BIK: variants seen among roughly 807,000 people sequenced by gnomAD.
The protein encoded by BIK is bcl-2-interacting killer.
Under a neutral mutation model 12.1 loss-of-function variants are expected in BIK, and 14 were observed. That is an observed-to-expected ratio of 1.16 (90% CI 0.77 to 1.81). BIK has a LOEUF of 1.81. Among genes scored for constraint, BIK ranks in the 40% most tolerant of loss-of-function variants. The pLI, the probability that BIK is intolerant of heterozygous loss-of-function variation, is 0.00. For missense variants in BIK, 215 were observed against 207.9 expected, an observed-to-expected ratio of 1.03 and a Z score of -0.21; for synonymous variants, 86 against 92.3, an observed-to-expected ratio of 0.93 and a Z score of 0.39.
rs1930038586 is a variant in BIK, at chr22:43,112,917, C to G, written c.-8+2114C>G. On this transcript the variant is annotated intron_variant, in intron 1 of 4. Coordinates refer to ENST00000216115, the MANE Select transcript of BIK (RefSeq NM_001197.5). ...TGAGACCCTGTCTCAAAAAAAGGAG[C>G]ATTAGGCTGGGCATGGTGGCTCACA... is the stretch of plus-strand genomic sequence containing the variant. Among the ~76,000 whole-genome samples, 3 of 151,098 alleles carry G rather than the reference C, an allele frequency of 2.0e-5. No homozygotes were observed. The South Asian group carries it at 6.3e-4, about 32-fold the overall frequency.
At chr22:43,115,093 C>T (rs1028074553) in intron 1 of BIK, among the ~76,000 whole-genome samples, 1 of 152,208 alleles carries the variant, frequency 6.6e-6, no homozygotes, top group Non-Finnish European at 1.5e-5. Flanking sequence ...TCCCGACTGG[C>T]TGGGGCAGAC....
At chr22:43,127,927 C>A in intron 3 of BIK, 132 bp downstream of exon 3, 1 of 884,368 alleles carries the variant, frequency 1.1e-6, no homozygotes, top group Non-Finnish European at 1.7e-6. Context: ...TGGGGCTATA[C>A]TGAAACCCTT....
chr22:43,121,104 G>C (rs895400507), intron 1 of BIK, among the ~76,000 whole-genome samples: 4 of 152,168 alleles, frequency 2.6e-5, no homozygotes, highest in African/African-American at 9.7e-5. Context: ...GAACCTGGGA[G>C]GCGGAGGTTG....
intron 1 of BIK, among the ~76,000 whole-genome samples, chr22:43,114,267 G>A (rs1433938034): frequency 6.6e-6 from 1 of 151,942 alleles, no homozygotes; most frequent in African/African-American, 2.4e-5. Flanking sequence ...TTTGAGTGAG[G>A]GTCCCTGTCA....
At chr22:43,121,517 C>T (rs961131800) in intron 1 of BIK, among the ~76,000 whole-genome samples, 8 of 152,142 alleles carry the variant, frequency 5.3e-5, no homozygotes, top group South Asian at 4.2e-4. Flanking sequence ...TGGGTCAAGG[C>T]GAGGCTCGGT....
chr22:43,111,509 GCGAGGGGGCCCCC>G (rs1305303664), intron 1 of BIK, among the ~76,000 whole-genome samples: 2 of 151,906 alleles, frequency 1.3e-5, no homozygotes, highest in Non-Finnish European at 2.9e-5. Flanking sequence ...CGGGTGACCC[GCGAGGGGGCCCCC>G]CGCCTGCGGG....
chr22:43,116,937 C>G (rs551032951), intron 1 of BIK, among the ~76,000 whole-genome samples: 2 of 152,192 alleles, frequency 1.3e-5, no homozygotes, highest in South Asian at 4.2e-4. Flanking sequence ...GACCCTGTCT[C>G]AAAATAGTAA....
chr22:43,126,633 C>G (rs1930321872), intron 2 of BIK, among the ~76,000 whole-genome samples: 1 of 152,174 alleles, frequency 6.6e-6, no homozygotes, highest in Non-Finnish European at 1.5e-5. Context: ...AATCCTGTCT[C>G]TGATGTGGCA....
intron 1 of BIK, among the ~76,000 whole-genome samples, chr22:43,120,594 T>C (rs1930201308): frequency 6.6e-6 from 1 of 152,156 alleles, no homozygotes. Context: ...CAGTAAGGCA[T>C]TCAGAGCTGG....
intron 1 of BIK, among the ~76,000 whole-genome samples, chr22:43,119,079 T>A (rs1014566696): frequency 6.6e-6 from 1 of 151,724 alleles, no homozygotes; most frequent in Non-Finnish European, 1.5e-5. Flanking sequence ...GCCCTGCAGG[T>A]GCCCTCAAGG....
At chr22:43,113,983 T>C (rs900098341) in intron 1 of BIK, among the ~76,000 whole-genome samples, 1 of 152,202 alleles carries the variant, frequency 6.6e-6, no homozygotes, top group African/African-American at 2.4e-5. Context: ...CACTGGTTGG[T>C]TGGGGCTGGG....
chr22:43,115,659 C>T lies in BIK; in HGVS notation c.-8+4856C>T, dbSNP rs557485049. Among the ~76,000 whole-genome samples, 18 of 152,036 alleles carry T rather than the reference C, an allele frequency of 1.2e-4. No homozygotes were observed. In the South Asian group the frequency reaches 2.5e-3, roughly 21 times the overall value. The stretch of plus-strand genomic sequence containing the variant: ...TGTATTTTTAGTAGAGATGAGGTTT[C>T]GCCATGTTGGCCAGGATGGTTGTGA... On this transcript the variant is annotated intron_variant, in intron 1 of 4. Transcript: ENST00000216115.
At position 43,129,396 on chromosome 22, in the gene BIK, T is replaced by A; in HGVS notation, c.*91T>A. The A allele has an allele frequency of 6.8e-7, 1 of 1,474,420 alleles. No homozygotes were observed. The highest frequency in any genetic ancestry group is 8.9e-7 in the Non-Finnish European group (1 of 1,117,758). 91.3% of individuals were successfully genotyped at this position (1,474,420 alleles called of 1,614,324 possible). On this transcript the variant is annotated 3_prime_UTR_variant, in exon 5 of 5. Transcript: ENST00000216115. ...GCTGCTGTTATCTTTTTAACTGTTT[T>A]CTCATGATGCCTTTTTATATTTAAA...
intron 1 of BIK, among the ~76,000 whole-genome samples, chr22:43,111,751 C>G (rs1386221076): frequency 6.6e-6 from 1 of 152,188 alleles, no homozygotes; most frequent in Admixed American, 6.5e-5. Flanking sequence ...GGAGCCCGAG[C>G]TTCCCAGGGA....
chr22:43,124,230 G>A, intron 2 of BIK, 47 bp downstream of exon 2: 1 of 1,599,342 alleles, frequency 6.3e-7, no homozygotes, highest in Non-Finnish European at 8.5e-7. Flanking sequence ...AGTGACTTCA[G>A]GGGTGGGCTG....
intron 1 of BIK, among the ~76,000 whole-genome samples, chr22:43,117,457 C>T (rs1007552163): frequency 6.6e-6 from 1 of 151,662 alleles, no homozygotes; most frequent in Non-Finnish European, 1.5e-5. Context: ...AAAGCTCTGC[C>T]TCCAGGGTTC....
Position 43,129,413 on chromosome 22 carries a change from A to T in BIK, c.*108A>T. Reference sequence around the variant, plus strand: ...AACTGTTTTCTCATGATGCCTTTTTATATTTAAACCCCGAGATAGTGCTGG... The same window carrying T: ...AACTGTTTTCTCATGATGCCTTTTTTTATTTAAACCCCGAGATAGTGCTGG... On this transcript the variant is annotated 3_prime_UTR_variant, in exon 5 of 5. Transcript: ENST00000216115. 7.0e-7 allele frequency: 1 copy of T among 1,433,238 alleles called. No homozygotes were observed. Among genetic ancestry groups the T allele is most frequent in the Non-Finnish European group, 9.2e-7 (1 of 1,090,862 alleles). 88.8% of individuals were successfully genotyped at this position (1,433,238 alleles called of 1,614,324 possible).
intron 4 of BIK, among the ~76,000 whole-genome samples, chr22:43,128,835 C>G (rs1007804742): frequency 6.6e-6 from 1 of 152,218 alleles, no homozygotes; most frequent in Non-Finnish European, 1.5e-5. Context: ...CCCTCTGGTC[C>G]GAGAGCCTTC....
chr22:43,120,569 C>G (rs1041391981), intron 1 of BIK, among the ~76,000 whole-genome samples: 2 of 152,224 alleles, frequency 1.3e-5, no homozygotes, highest in Non-Finnish European at 2.9e-5. Context: ...GAGAGCTCCA[C>G]TGAAGGCTGG....
Sources: gnomAD v4.1 joint callset for allele counts (sites outside exome capture counted in the v4.1 genomes callset) on GRCh38, gnomAD v4.1.1 for gene constraint, MANE v1.5 for transcripts, NCBI Gene and HGNC (gene_info 2026-07-23, HGNC 2026-07-21) for gene names.